Variants in TNS3 observed in about 807,000 individuals in gnomAD.
The protein encoded by TNS3 is tensin-3.
TNS3 carries 45 observed loss-of-function variants against 140.9 expected under a neutral mutation model. The ratio of observed to expected loss-of-function variants is 0.32; its 90% confidence interval spans 0.25 to 0.41. TNS3 has a LOEUF of 0.41. TNS3 is among the 10% of genes least tolerant of loss of function. The pLI is 1.00. For missense variants in TNS3, 1,716 were observed against 1,906.7 expected (o/e 0.90, Z 1.86); for synonymous variants, 815 against 788.4 (o/e 1.03, Z -0.56).
intron 1 of TNS3, among the ~76,000 whole-genome samples, chr7:47,569,466 C>T (rs916410000): frequency 6.6e-6 from 1 of 151,940 alleles, no homozygotes; most frequent in Admixed American, 6.6e-5. Flanking sequence ...ATTGCTCGAA[C>T]CAGGGAGGTG....
At chr7:47,373,683 A>G (rs1333211831) in intron 16 of TNS3, among the ~76,000 whole-genome samples, 1 of 152,156 alleles carries the variant, frequency 6.6e-6, no homozygotes, top group Admixed American at 6.5e-5. Context: ...ACCCACTGGA[A>G]CTCAGGCTCA....
Position 47,368,950 on chromosome 7 carries a change from G to A in TNS3, c.1696C>T (p.Leu566=). 1 of 1,613,666 alleles carries A rather than the reference G, an allele frequency of 6.2e-7. No homozygotes were observed. The highest frequency in any genetic ancestry group is 8.5e-7 in the Non-Finnish European group (1 of 1,179,854). The change falls in exon 17 of 31, where the codon CTG becomes TTG. Residue 566 remains leucine, a synonymous_variant. Transcript: ENST00000311160. ...GCGGACACTGAGGGCTTTCTCAGCA[G>A]GGGCTGGGGCTGCTTGGGCTCTCGA... ...GSREPKQPQP[L]LRKPSVSAQM...
chr7:47,446,239 G>C (rs1488052702), intron 4 of TNS3, among the ~76,000 whole-genome samples: 3 of 151,980 alleles, frequency 2.0e-5, no homozygotes, highest in African/African-American at 7.3e-5. Flanking sequence ...AGCCTCCCAA[G>C]TAGCTGGGAC....
chr7:47,302,085 A>AC (rs1786435120), intron 23 of TNS3, 101 bp downstream of exon 23: 1 of 945,150 alleles, frequency 1.1e-6, no homozygotes, highest in African/African-American at 1.6e-5. Flanking sequence ...TATGAAGGCC[A>AC]CGGCTGCCCG....
intron 17 of TNS3, among the ~76,000 whole-genome samples, chr7:47,361,206 CAAAAAA>C (rs56823708): frequency 2.1e-5 from 1 of 47,180 alleles, no homozygotes; most frequent in East Asian, 5.9e-4. Flanking sequence ...GTAACCATGC[CAAAAAA>C]AAAAAAAAAA....
intron 27 of TNS3, 83 bp from the exon 28 acceptor site, chr7:47,283,948 T>C: frequency 7.4e-7 from 1 of 1,343,082 alleles, no homozygotes; most frequent in Non-Finnish European, 9.9e-7. Flanking sequence ...GTTGCTGATG[T>C]GCAGACTGGG....
At chr7:47,554,935 G>A (rs1800156464) in intron 1 of TNS3, among the ~76,000 whole-genome samples, 1 of 152,040 alleles carries the variant, frequency 6.6e-6, no homozygotes, top group African/African-American at 2.4e-5. Flanking sequence ...GGCGGAGGCA[G>A]GAGGATCGCT....
intron 23 of TNS3, among the ~76,000 whole-genome samples, chr7:47,299,006 C>A (rs918794648): frequency 3.9e-5 from 6 of 152,220 alleles, no homozygotes; most frequent in African/African-American, 1.4e-4. Flanking sequence ...TGCAAGGGAC[C>A]CAGGGCTGGG....
rs768061118 is a variant in TNS3, at chr7:47,280,336, A to G, written c.4116T>C (p.His1372=). The G allele has an allele frequency of 8.7e-6, 14 of 1,614,000 alleles. No homozygotes were observed. Among genetic ancestry groups the G allele is most frequent in the Non-Finnish European group, 1.1e-5 (13 of 1,180,032 alleles). Reference sequence around the variant, plus strand: ...AGAAAATCACACTGTTCACGGGGTAATGCCTCCGGAAGAAGAGCCTGTTGG... The same window carrying G: ...AGAAAATCACACTGTTCACGGGGTAGTGCCTCCGGAAGAAGAGCCTGTTGG... ...DNQRKLFFRR[H]YPVNSVIFCA... The change falls in exon 29 of 31, where the codon CAT becomes CAC. Residue 1372 remains histidine (H), a synonymous_variant. Transcript: ENST00000311160.
intron 1 of TNS3, among the ~76,000 whole-genome samples, chr7:47,564,140 GC>G (rs1448057898): frequency 7.3e-6 from 1 of 137,030 alleles, no homozygotes; most frequent in African/African-American, 2.8e-5. Context: ...CTTGCAGTGA[GC>G]CGAGATCACA....
chr7:47,505,733 G>T (rs1319814141), intron 3 of TNS3, among the ~76,000 whole-genome samples: 1 of 152,128 alleles, frequency 6.6e-6, no homozygotes, highest in Non-Finnish European at 1.5e-5. Flanking sequence ...GTGTGTGTGT[G>T]TGTGTGTATT....
Position 47,303,257 on chromosome 7 carries a change from G to T in TNS3, c.3150C>A (p.Thr1050=), listed in dbSNP as rs548237094. 1 of 1,613,588 alleles carries T rather than the reference G, an allele frequency of 6.2e-7. No individual in the cohort carries two copies. The highest frequency in any genetic ancestry group is 8.5e-7 in the Non-Finnish European group (1 of 1,179,984). Residue 1050 remains threonine (T), a synonymous_variant, in exon 22 of 31, where the codon ACC becomes ACA. Coordinates refer to ENST00000311160, the MANE Select transcript of TNS3 (RefSeq NM_022748.12). ...LLANSHGASP[T]PSIPLTATGA... The stretch of plus-strand genomic sequence containing the variant: ...CTGTCGCTGTCAGCGGGATGCTGGG[G>T]GTCGGTGACGCTCCATGAGAATTGG...
intron 16 of TNS3, among the ~76,000 whole-genome samples, chr7:47,385,895 T>C (rs1792046212): frequency 6.6e-6 from 1 of 152,218 alleles, no homozygotes; most frequent in Non-Finnish European, 1.5e-5. Context: ...GCTGTTGAGA[T>C]CTTGGCAGAA....
chr7:47,369,695 G>A (rs1790942797), intron 16 of TNS3, 74 bp from the exon 17 acceptor site: 1 of 1,455,358 alleles, frequency 6.9e-7, no homozygotes, highest in Non-Finnish European at 9.2e-7. Flanking sequence ...GAATGGGCGT[G>A]TGCATCTGTC....
chr7:47,506,842 C>T, intron 3 of TNS3, 65 bp downstream of exon 3: 1 of 1,208,472 alleles, frequency 8.3e-7, no homozygotes, highest in Non-Finnish European at 1.1e-6. Context: ...CCCCCCCACA[C>T]ATATCATTCA....
At chr7:47,455,264 C>T (rs577803233) in intron 4 of TNS3, among the ~76,000 whole-genome samples, 1 of 152,142 alleles carries the variant, frequency 6.6e-6, no homozygotes, top group Non-Finnish European at 1.5e-5. Context: ...CCCACCCCAG[C>T]CTGGCCAACT....
intron 13 of TNS3, among the ~76,000 whole-genome samples, chr7:47,403,684 G>A (rs760180797): frequency 1.3e-5 from 2 of 152,058 alleles, no homozygotes; most frequent in South Asian, 2.1e-4. Flanking sequence ...TGAAAGACAC[G>A]GAAAACCACA....
intron 2 of TNS3, among the ~76,000 whole-genome samples, chr7:47,518,306 G>A (rs542761625): frequency 5.3e-5 from 8 of 152,182 alleles, no homozygotes; most frequent in South Asian, 2.1e-4. Context: ...ATTGGATGTC[G>A]CCGCAAGGTC....
rs533200027 is a variant in TNS3 at position 47,522,137 on chromosome 7, C to G, written c.-153+6899G>C. ...CAGCAGGGATGGGATGCCCGCCCCC[C>G]AAAAGTGGGGACACCATATCCCCCG... On this transcript the variant is annotated intron_variant, in intron 2 of 30. Coordinates refer to ENST00000311160, the MANE Select transcript of TNS3 (RefSeq NM_022748.12). Among the ~76,000 whole-genome samples the G allele has an allele frequency of 8.7e-4, 132 of 152,326 alleles. 2 individuals are homozygous for G. Among genetic ancestry groups the G allele is most frequent in the African/African-American group, 3.0e-3 (123 of 41,580 alleles).
Sources: gnomAD v4.1 joint callset for allele counts (sites outside exome capture counted in the v4.1 genomes callset) on GRCh38, gnomAD v4.1.1 for gene constraint, MANE v1.5 for transcripts, NCBI Gene and HGNC (gene_info 2026-07-23, HGNC 2026-07-21) for gene names.